The following RTL4 variants were observed in gnomAD, a reference collection of about 807,000 sequenced individuals.
The protein encoded by RTL4 is retrotransposon Gag-like protein 4.
In RTL4, 4 loss-of-function variants were observed where a neutral mutation model predicts 5.3. That is an observed-to-expected ratio of 0.75 (90% confidence interval 0.37 to 1.72). The LOEUF is 1.72. RTL4 is among the 40% of genes most tolerant of loss of function. The pLI, the probability that RTL4 is intolerant of heterozygous loss-of-function variation, is 0.04. For synonymous variants in RTL4, 98 were observed against 87.3 expected (o/e 1.12, Z -0.68); for missense variants, 260 against 227.1 (o/e 1.14, Z -0.93).
chrX:112,117,898 ATAT>A, the RTL4 span, among the ~76,000 whole-genome samples: 11 of 112,115 alleles, frequency 9.8e-5, no homozygotes, highest in Non-Finnish European at 1.9e-4. Context: ...CATAATTATA[ATAT>A]TGTTTCTAAT....
chrX:112,187,121 CT>C, the RTL4 span, among the ~76,000 whole-genome samples: 2 of 112,036 alleles, frequency 1.8e-5, no homozygotes, highest in African/African-American at 6.5e-5. Flanking sequence ...TCCATTTATG[CT>C]TTTAGGCCTA....
chrX:112,150,720 C>T, the RTL4 span, among the ~76,000 whole-genome samples: 20 of 112,000 alleles, frequency 1.8e-4, no homozygotes, highest in Non-Finnish European at 3.0e-4. Flanking sequence ...TAGACCTCCT[C>T]AGTACCCACA....
the RTL4 span, among the ~76,000 whole-genome samples, chrX:112,100,400 T>C: frequency 1.8e-5 from 2 of 112,073 alleles, no homozygotes; most frequent in African/African-American, 6.5e-5. Context: ...GGGTTATTTT[T>C]TACTGACAAA....
chrX:112,208,519 T>G, the RTL4 span, among the ~76,000 whole-genome samples: 2 of 112,163 alleles, frequency 1.8e-5, no homozygotes, highest in Non-Finnish European at 3.8e-5. Context: ...AGGATACTAT[T>G]CAATAGAAAG....
chrX:112,118,687 A>T, the RTL4 span, among the ~76,000 whole-genome samples: 1 of 112,058 alleles, frequency 8.9e-6, no homozygotes, highest in Admixed American at 9.5e-5. Flanking sequence ...GTGTGCTATG[A>T]TATAATTTTG....
At chrX:112,295,763 A>G in the RTL4 span, among the ~76,000 whole-genome samples, 2 of 111,980 alleles carry the variant, frequency 1.8e-5, no homozygotes, top group South Asian at 3.7e-4. Flanking sequence ...TATAACTCCA[A>G]TTTCATCAAG....
the RTL4 span, among the ~76,000 whole-genome samples, chrX:112,430,493 T>C: frequency 8.9e-6 from 1 of 112,263 alleles, no homozygotes; most frequent in Admixed American, 9.5e-5. Context: ...ATATTTATCA[T>C]GGTTTTAAAA....
chrX:112,381,819 A>G, the RTL4 span: 14 of 1,207,543 alleles, frequency 1.2e-5, no homozygotes, highest in Non-Finnish European at 1.6e-5. Context: ...CGGGAAGTAC[A>G]GGCTCAGCTC....
chrX:112,405,340 A>G, the RTL4 span, among the ~76,000 whole-genome samples: 1 of 112,013 alleles, frequency 8.9e-6, no homozygotes, highest in Admixed American at 9.4e-5. Context: ...ACTTTTCTCC[A>G]TATTATACAA....
the RTL4 span, among the ~76,000 whole-genome samples, chrX:112,422,784 T>C: frequency 1.8e-5 from 2 of 110,042 alleles, no homozygotes; most frequent in African/African-American, 3.3e-5. Context: ...AGCTAAGATG[T>C]AGCTGGAAAA....
At chrX:112,175,026 G>A in the RTL4 span, among the ~76,000 whole-genome samples, 1 of 88,680 alleles carries the variant, frequency 1.1e-5, no homozygotes, top group Admixed American at 1.4e-4. Flanking sequence ...CCATTTTGTA[G>A]GTTGCCTGTT....
At chrX:112,202,449 T>C in the RTL4 span, among the ~76,000 whole-genome samples, 6 of 110,646 alleles carry the variant, frequency 5.4e-5, no homozygotes, top group South Asian at 3.8e-4. Flanking sequence ...TACAGGTTTT[T>C]AAGTGCATAT....
At chrX:112,088,005 T>A in the RTL4 span, among the ~76,000 whole-genome samples, 91 of 110,616 alleles carry the variant, frequency 8.2e-4, 1 homozygote, top group African/African-American at 3.0e-3. Flanking sequence ...ATTTTCTTTT[T>A]TTTTTTTGCC....
chrX:112,189,386 GACC>G, the RTL4 span, among the ~76,000 whole-genome samples: 1 of 112,104 alleles, frequency 8.9e-6, no homozygotes, highest in Non-Finnish European at 1.9e-5. Flanking sequence ...ACACTTCACA[GACC>G]ACATTACACA....
At chrX:112,130,226 TTTTTCTTTTC>T in the RTL4 span, among the ~76,000 whole-genome samples, 1 of 109,256 alleles carries the variant, frequency 9.2e-6, no homozygotes, top group Admixed American at 9.7e-5. Context: ...CACTAGTTGA[TTTTTCTTTTC>T]TTTTCTTTTC....
upstream of RTL4, among the ~76,000 whole-genome samples, chrX:112,453,771 T>C (rs902215127): frequency 1.8e-5 from 2 of 112,284 alleles, no homozygotes; most frequent in East Asian, 5.6e-4. Flanking sequence ...GATTTAGTAG[T>C]TCTGGGGTGA....
At chrX:112,209,027 G>A in the RTL4 span, among the ~76,000 whole-genome samples, 25 of 112,398 alleles carry the variant, frequency 2.2e-4, no homozygotes, top group South Asian at 2.6e-3. Context: ...CCCTGCCACC[G>A]TGGCCACTTT....
At chrX:112,148,648 A>G in the RTL4 span, among the ~76,000 whole-genome samples, 1 of 111,962 alleles carries the variant, frequency 8.9e-6, no homozygotes, top group African/African-American at 3.2e-5. Context: ...GTCTCTGTAT[A>G]CTTTTGACCT....
At chrX:112,396,470 T>G in the RTL4 span, among the ~76,000 whole-genome samples, 2 of 111,059 alleles carry the variant, frequency 1.8e-5, no homozygotes, top group Admixed American at 1.9e-4. Flanking sequence ...GTTGTTAAAT[T>G]TGGTGTTCTT....
Sources: gnomAD v4.1 joint callset for allele counts (sites outside exome capture counted in the v4.1 genomes callset) on GRCh38, gnomAD v4.1.1 for gene constraint, MANE v1.5 for transcripts, NCBI Gene and HGNC (gene_info 2026-07-23, HGNC 2026-07-21) for gene names.